The following SCARB1 variants were observed in gnomAD, a reference collection of about 807,000 sequenced individuals.
SCARB1 encodes the protein CD36 and LIMPII analogous 1.
A neutral mutation model predicts 57.2 loss-of-function variants in SCARB1; 30 were observed. The observed-to-expected ratio is 0.52, with a 90% CI of 0.39 to 0.71. SCARB1 has a LOEUF of 0.71. Among genes scored for constraint, SCARB1 ranks in the 30% least tolerant of loss-of-function variants. The pLI is 0.00. For synonymous variants in SCARB1, 249 were observed against 268.3 expected (o/e 0.93, Z 0.70); for missense variants, 543 against 671.2 (o/e 0.81, Z 2.11).
At chr12:124,828,168 C>T (rs1295533320) in intron 1 of SCARB1, among the ~76,000 whole-genome samples, 4 of 151,744 alleles carry the variant, frequency 2.6e-5, no homozygotes, top group Non-Finnish European at 5.9e-5. Flanking sequence ...CTGTTTAGGC[C>T]GGGGCAACAA....
chr12:124,857,751 A>C (rs1465987777), intron 1 of SCARB1, among the ~76,000 whole-genome samples: 1 of 152,210 alleles, frequency 6.6e-6, no homozygotes, highest in Non-Finnish European at 1.5e-5. Flanking sequence ...TTATTGAGAC[A>C]GGGATCATAG....
intron 11 of SCARB1, chr12:124,785,896 C>T (rs539527335): frequency 2.4e-4 from 161 of 658,388 alleles, no homozygotes; most frequent in Non-Finnish European, 3.7e-4. Flanking sequence ...CAGCTCCTAT[C>T]ATGAGTGAAA....
At chr12:124,841,264 C>A (rs558223450) in intron 1 of SCARB1, among the ~76,000 whole-genome samples, 2 of 151,114 alleles carry the variant, frequency 1.3e-5, no homozygotes, top group East Asian at 3.9e-4. Flanking sequence ...CCCAGCTACG[C>A]GGGAGGCTGA....
rs1194503503 is a variant in SCARB1 at position 124,807,976 on chromosome 12, G to C, written c.843-49C>G. 1 of 1,594,770 alleles carries C rather than the reference G, an allele frequency of 6.3e-7. No homozygotes were observed. The stretch of plus-strand genomic sequence containing the variant: ...AGGGGACACCCAGACCCGGCGGCCA[G>C]AGCCAGGCCCTGCCAAAGGCTGCCC... On this transcript the variant is annotated intron_variant, in intron 6 of 12. Transcript: ENST00000261693. The surrounding 1 kb of genome is among the most constrained non-coding windows in gnomAD (Gnocchi z 5.3).
At chr12:124,791,872 C>T (rs975631051) in intron 9 of SCARB1, among the ~76,000 whole-genome samples, 2 of 151,904 alleles carry the variant, frequency 1.3e-5, no homozygotes, top group Non-Finnish European at 2.9e-5. Context: ...AGGAGAATCG[C>T]TTGAACCCGA....
chr12:124,790,686 AC>A (rs1793260512), intron 9 of SCARB1, among the ~76,000 whole-genome samples: 1 of 152,232 alleles, frequency 6.6e-6, no homozygotes, highest in Admixed American at 6.5e-5. Context: ...GGGCTGGCTC[AC>A]CACTTGCCCC....
In SCARB1 at chr12:124,817,100, A is replaced by ATG. The variant is rs1197498134; in HGVS notation, c.284+448_284+449dup. Among the ~76,000 whole-genome samples, 1 of 146,022 alleles carries ATG rather than the reference A, an allele frequency of 6.8e-6. No individual in the cohort carries two copies. Among genetic ancestry groups the ATG allele is most frequent in the Non-Finnish European group, 1.5e-5 (1 of 66,558 alleles). On this transcript the variant is annotated intron_variant, in intron 2 of 12. Transcript: ENST00000261693. This position sits in a 1 kb window ranked among gnomAD's most constrained non-coding sequence, Gnocchi z 4.8. ...TGTGTGTGTATGTATGTGTGTGTGT[A>ATG]TGTGTATGTACGTGTGTATGTATGT...
At chr12:124,785,148 A>G (rs1052193633) in intron 11 of SCARB1, 2 of 152,234 alleles carry the variant, frequency 1.3e-5, no homozygotes, top group Admixed American at 1.3e-4. Flanking sequence ...TTCCTCACGC[A>G]CTGGGGCCTC....
In SCARB1 at chr12:124,832,104, T is replaced by C. The variant is rs116954095; in HGVS notation, c.127-14397A>G. On this transcript the variant is annotated intron_variant, in intron 1 of 12. Coordinates refer to ENST00000261693, the MANE Select transcript of SCARB1 (RefSeq NM_005505.5). Reference sequence around the variant, plus strand: ...CTGGATGTTAGTTATTACTGATGTATCAACACTGGTTCATTCATAGCAACA... The same window carrying C: ...CTGGATGTTAGTTATTACTGATGTACCAACACTGGTTCATTCATAGCAACA... Among the ~76,000 whole-genome samples, 1,209 of 152,348 alleles carry C rather than the reference T, an allele frequency of 7.9e-3. 11 individuals are homozygous for C. Among genetic ancestry groups the C allele is most frequent in the East Asian group, 0.038 (195 of 5,192 alleles).
intron 1 of SCARB1, among the ~76,000 whole-genome samples, chr12:124,820,590 C>T (rs1431723379): frequency 1.3e-5 from 2 of 152,214 alleles, no homozygotes; most frequent in African/African-American, 2.4e-5. Context: ...AGCCCATGCA[C>T]TGCAGGTCCC....
chr12:124,807,053 T>G lies in SCARB1; in HGVS notation c.1009+708A>C, dbSNP rs1950348201. ...CATCTCTACCAAAAATACAAAAAAT[T>G]AGCCAGGTGTGGTGGTGCACGCCTG... On this transcript the variant is annotated intron_variant, in intron 7 of 12. Coordinates refer to ENST00000261693, the MANE Select transcript of SCARB1 (RefSeq NM_005505.5). This position sits in a 1 kb window ranked among gnomAD's most constrained non-coding sequence, Gnocchi z 5.3. 6.6e-6 allele frequency among the ~76,000 whole-genome samples: 1 copy of G among 151,888 alleles called. No individual in the cohort carries two copies. The highest frequency in any genetic ancestry group is 1.5e-5 in the Non-Finnish European group (1 of 67,972).
intron 1 of SCARB1, among the ~76,000 whole-genome samples, chr12:124,852,545 G>A (rs1594394094): frequency 6.6e-6 from 1 of 152,230 alleles, no homozygotes; most frequent in East Asian, 1.9e-4. Context: ...ACGCTGCGGA[G>A]GACCCCCACT....
chr12:124,852,538 C>T (rs1402599211), intron 1 of SCARB1, among the ~76,000 whole-genome samples: 1 of 152,234 alleles, frequency 6.6e-6, no homozygotes, highest in East Asian at 1.9e-4. Context: ...AAAGTCCACG[C>T]TGCGGAGGAC....
At position 124,800,201 on chromosome 12, in the gene SCARB1, C is replaced by A; in HGVS notation, c.1051G>T (p.Asp351Tyr). The A allele has an allele frequency of 6.2e-7, 1 of 1,613,970 alleles. No individual in the cohort carries two copies. Among genetic ancestry groups the A allele is most frequent in the South Asian group, 1.1e-5 (1 of 91,052 alleles). Residue 351 changes from aspartate to tyrosine, a missense_variant, in exon 8 of 13, where the codon GAC becomes TAC. Transcript: ENST00000261693. This position sits in a 1 kb window ranked among gnomAD's most constrained non-coding sequence, Gnocchi z 4.8. ...FLSHPHFLNADPVLAEAVTGL... is the reference protein window; with the variant it reads ...FLSHPHFLNAYPVLAEAVTGL... The stretch of plus-strand genomic sequence containing the variant: ...GTCACCGCTTCTGCCAGAACCGGGT[C>A]AGCGTTGAGGAAGTGAGGATGGGAG...
At chr12:124,797,673 G>A (rs1235862725) in intron 8 of SCARB1, among the ~76,000 whole-genome samples, 1 of 152,204 alleles carries the variant, frequency 6.6e-6, no homozygotes, top group Non-Finnish European at 1.5e-5. Flanking sequence ...GAGCGCACAG[G>A]AGACTGTGTT....
intron 9 of SCARB1, among the ~76,000 whole-genome samples, chr12:124,792,047 A>G (rs1409335778): frequency 3.3e-5 from 5 of 152,066 alleles, no homozygotes; most frequent in Non-Finnish European, 5.9e-5. Context: ...AAATGGGCTC[A>G]CACTATCACC....
intron 1 of SCARB1, among the ~76,000 whole-genome samples, chr12:124,849,135 G>C (rs1173414709): frequency 6.6e-6 from 1 of 152,238 alleles, no homozygotes; most frequent in African/African-American, 2.4e-5. Flanking sequence ...GCCAGGATTT[G>C]AACCTGGGCT....
At chr12:124,842,824 G>A (rs548420622) in intron 1 of SCARB1, among the ~76,000 whole-genome samples, 3 of 152,330 alleles carry the variant, frequency 2.0e-5, no homozygotes, top group African/African-American at 7.2e-5. Context: ...CTGGGAGACA[G>A]AGGCCCAGGG....
intron 9 of SCARB1, among the ~76,000 whole-genome samples, chr12:124,793,685 T>G (rs191075876): frequency 9.1e-6 from 1 of 110,044 alleles, no homozygotes; most frequent in African/African-American, 3.7e-5. Flanking sequence ...AGAGCGAGAC[T>G]CCGTCTCAAA....
Sources: allele counts gnomAD v4.1 joint callset (sites outside exome capture counted in the v4.1 genomes callset), GRCh38; gene constraint gnomAD v4.1.1; non-coding constraint Gnocchi (gnomAD v3.1); transcripts MANE v1.5; gene names NCBI Gene and HGNC (gene_info 2026-07-23, HGNC 2026-07-21).